CCDC141: variants seen among roughly 807,000 people sequenced by gnomAD.
The protein encoded by CCDC141 is coiled-coil domain-containing protein 141.
In CCDC141, 168 loss-of-function variants were observed where a neutral mutation model predicts 181.0. The ratio of observed to expected loss-of-function variants is 0.93; its 90% CI spans 0.82 to 1.05. The LOEUF (loss-of-function observed/expected upper bound fraction) is 1.05. Ranked by LOEUF, CCDC141 falls within the 50% of genes least tolerant of loss-of-function variation. CCDC141 has a pLI of 0.00. For synonymous variants in CCDC141, 666 were observed against 642.3 expected (o/e 1.04, Z -0.56); for missense variants, 1,902 against 1,788.5 (o/e 1.06, Z -1.14).
intron 6 of CCDC141, among the ~76,000 whole-genome samples, chr2:178,931,693 T>C (rs1440612914): frequency 6.6e-6 from 1 of 151,764 alleles, no homozygotes; most frequent in Non-Finnish European, 1.5e-5. Context: ...GCTTAATGAG[T>C]GTGGTGTTTC....
At chr2:178,899,743 T>C (rs1021928836) in intron 8 of CCDC141, among the ~76,000 whole-genome samples, 2 of 152,194 alleles carry the variant, frequency 1.3e-5, no homozygotes, top group Non-Finnish European at 2.9e-5. Flanking sequence ...TGCTTTGCTC[T>C]GTTGAAATTT....
chr2:178,850,166 GGAGGAGAA>G lies in CCDC141; in HGVS notation c.3245-13_3245-6del, dbSNP rs1561633809. ...ATTTCTGTCCTTCTTCCAAACCTGG[GGAGGAGAA>G]GGATGAAACTAGTTTTAAAGGTCAA... On this transcript the variant is annotated splice_region_variant and splice_polypyrimidine_tract_variant and intron_variant, in intron 20 of 23. Transcript: ENST00000443758. The G allele has an allele frequency of 4.0e-6, 6 of 1,488,770 alleles. No homozygotes were observed. Among genetic ancestry groups the G allele is most frequent in the Non-Finnish European group, 4.7e-6 (5 of 1,071,716 alleles). The allele number at this position is 1,488,770 out of a possible 1,614,324, so 92.2% of individuals were successfully genotyped here.
chr2:178,856,229 A>G, intron 18 of CCDC141, 28 bp downstream of exon 18: 2 of 1,581,908 alleles, frequency 1.3e-6, no homozygotes. Flanking sequence ...ACACATGCGC[A>G]CATATACAAA....
chr2:178,957,707 T>C (rs1450954775), intron 5 of CCDC141, among the ~76,000 whole-genome samples: 1 of 152,336 alleles, frequency 6.6e-6, no homozygotes, highest in Middle Eastern at 3.4e-3. Flanking sequence ...CTGTGGTATA[T>C]GCAGACAATG....
At chr2:179,044,548 G>A (rs1009289308) in intron 2 of CCDC141, among the ~76,000 whole-genome samples, 1 of 152,210 alleles carries the variant, frequency 6.6e-6, no homozygotes, top group African/African-American at 2.4e-5. Flanking sequence ...TAGGGATGAA[G>A]GGAGAAGTGA....
At chr2:178,906,316 G>T (rs1040048939) in intron 7 of CCDC141, among the ~76,000 whole-genome samples, 2 of 152,148 alleles carry the variant, frequency 1.3e-5, no homozygotes, top group African/African-American at 4.8e-5. Flanking sequence ...GGCTTAGCTG[G>T]TATTAAGATG....
At chr2:178,989,151 T>C (rs1404582737) in intron 2 of CCDC141, among the ~76,000 whole-genome samples, 1 of 152,052 alleles carries the variant, frequency 6.6e-6, no homozygotes, top group Non-Finnish European at 1.5e-5. Context: ...AACAGATAAA[T>C]TGGACTTCAT....
At chr2:178,884,130 G>A (rs1686758386) in intron 11 of CCDC141, among the ~76,000 whole-genome samples, 1 of 150,580 alleles carries the variant, frequency 6.6e-6, no homozygotes, top group African/African-American at 2.5e-5. Flanking sequence ...AATATAACCA[G>A]TTTGTTTATT....
At chr2:178,879,086 TG>T in intron 11 of CCDC141, among the ~76,000 whole-genome samples, 1 of 152,364 alleles carries the variant, frequency 6.6e-6, no homozygotes, top group East Asian at 1.9e-4. Flanking sequence ...TTTTCTCATT[TG>T]CTAACCAATG....
At chr2:178,917,064 AAG>A (rs1390279177) in intron 7 of CCDC141, among the ~76,000 whole-genome samples, 1 of 152,208 alleles carries the variant, frequency 6.6e-6, no homozygotes, top group African/African-American at 2.4e-5. Context: ...ATGGGAATGA[AAG>A]AGAGAAACTA....
chr2:179,005,094 CA>C (rs1172179117), intron 2 of CCDC141, among the ~76,000 whole-genome samples: 3 of 152,140 alleles, frequency 2.0e-5, no homozygotes, highest in Non-Finnish European at 4.4e-5. Flanking sequence ...TTTAAATCAC[CA>C]AAGAGCTTAC....
At chr2:178,849,405 T>C (rs1041750814) in intron 21 of CCDC141, among the ~76,000 whole-genome samples, 3 of 152,246 alleles carry the variant, frequency 2.0e-5, no homozygotes, top group Admixed American at 6.5e-5. Flanking sequence ...TTGATCTTAA[T>C]GACCTTGCTG....
chr2:178,838,906 G>A (rs1447635215), intron 22 of CCDC141, among the ~76,000 whole-genome samples: 1 of 152,304 alleles, frequency 6.6e-6, no homozygotes, highest in East Asian at 1.9e-4. Flanking sequence ...AAAGAACATT[G>A]AAGCTGAAAA....
intron 2 of CCDC141, among the ~76,000 whole-genome samples, chr2:179,015,454 A>ATATATATCTATGTG (rs1553503006): frequency 4.1e-5 from 4 of 97,114 alleles, no homozygotes; most frequent in Non-Finnish European, 6.1e-5. Context: ...TCATATATGT[A>ATATATATCTATGTG]CCATATATAT....
intron 2 of CCDC141, among the ~76,000 whole-genome samples, chr2:179,025,854 A>T (rs748661821): frequency 5.3e-5 from 8 of 152,206 alleles, no homozygotes; most frequent in Non-Finnish European, 1.0e-4. Flanking sequence ...GTGGTCTCAA[A>T]TGGAAATGAG....
At chr2:179,034,333 T>C (rs2043079284) in intron 2 of CCDC141, among the ~76,000 whole-genome samples, 1 of 151,914 alleles carries the variant, frequency 6.6e-6, no homozygotes, top group South Asian at 2.1e-4. Context: ...ACAACAGACA[T>C]TGGGTCCTAA....
the CCDC141 span, among the ~76,000 whole-genome samples, chr2:178,821,341 C>T: frequency 6.6e-6 from 1 of 151,982 alleles, no homozygotes. Context: ...AAATTATTAC[C>T]TTATCTGTCT....
At chr2:179,015,103 T>TATATATATATATAA (rs1349211734) in intron 2 of CCDC141, among the ~76,000 whole-genome samples, 1 of 28,212 alleles carries the variant, frequency 3.5e-5, no homozygotes, top group African/African-American at 9.1e-5. Flanking sequence ...TATATATATA[T>TATATATATATATAA]AATATATATA....
intron 2 of CCDC141, among the ~76,000 whole-genome samples, chr2:178,992,963 G>A (rs900310901): frequency 2.6e-5 from 4 of 152,256 alleles, no homozygotes; most frequent in African/African-American, 7.2e-5. Context: ...CGCTGTGATT[G>A]TAAGTTTTCT....
Sources: allele counts gnomAD v4.1 joint callset (sites outside exome capture counted in the v4.1 genomes callset), GRCh38; gene constraint gnomAD v4.1.1; transcripts MANE v1.5; gene names NCBI Gene and HGNC (gene_info 2026-07-23, HGNC 2026-07-21).